The following GRM8 variants were observed in gnomAD, a reference collection of about 807,000 sequenced individuals.
GRM8 encodes the protein metabotropic glutamate receptor 8.
In GRM8, 47 loss-of-function variants were observed where a neutral mutation model predicts 87.2. That is an observed-to-expected ratio of 0.54 (90% CI 0.43 to 0.69). The LOEUF is 0.69. Among genes scored for constraint, GRM8 ranks in the 30% least tolerant of loss-of-function variants. The pLI is 0.00. For synonymous variants in GRM8, 396 were observed against 404.5 expected, an observed-to-expected ratio of 0.98 and a Z score of 0.25; for missense variants, 1,019 against 1,139.2, an observed-to-expected ratio of 0.89 and a Z score of 1.52.
At chr7:126,631,023 T>C (rs1379709530) in intron 7 of GRM8, among the ~76,000 whole-genome samples, 1 of 152,136 alleles carries the variant, frequency 6.6e-6, no homozygotes, top group Non-Finnish European at 1.5e-5. Context: ...TATTAGAAGT[T>C]CTAGCCAGGG....
At chr7:127,098,726 T>C (rs1824920419) in intron 3 of GRM8, among the ~76,000 whole-genome samples, 1 of 152,182 alleles carries the variant, frequency 6.6e-6, no homozygotes, top group East Asian at 1.9e-4. Flanking sequence ...GATGTTAATA[T>C]TCGGAACATG....
At chr7:126,981,932 G>T (rs919719411) in intron 3 of GRM8, among the ~76,000 whole-genome samples, 3 of 151,926 alleles carry the variant, frequency 2.0e-5, no homozygotes, top group Admixed American at 6.6e-5. Context: ...TATTAGTCGG[G>T]GTTCTCTAGA....
At chr7:126,928,872 G>GAA (rs879848928) in intron 3 of GRM8, among the ~76,000 whole-genome samples, 1 of 150,768 alleles carries the variant, frequency 6.6e-6, no homozygotes, top group African/African-American at 2.4e-5. Context: ...CACTTTTAGG[G>GAA]AAAAAAAAAT....
chr7:126,617,626 C>T (rs1199943254), intron 7 of GRM8, among the ~76,000 whole-genome samples: 4 of 152,026 alleles, frequency 2.6e-5, no homozygotes, highest in African/African-American at 9.7e-5. Flanking sequence ...ATTTAGAAAA[C>T]CCCACTGTCT....
intron 8 of GRM8, among the ~76,000 whole-genome samples, chr7:126,581,765 C>A (rs189739287): frequency 2.0e-5 from 3 of 152,000 alleles, no homozygotes; most frequent in Non-Finnish European, 2.9e-5. Context: ...ATATTTCAAG[C>A]TTTTTCATTA....
chr7:127,160,328 C>T (rs922033963), intron 2 of GRM8, among the ~76,000 whole-genome samples: 1 of 152,126 alleles, frequency 6.6e-6, no homozygotes, highest in African/African-American at 2.4e-5. Context: ...TCACTCATGT[C>T]ATGTCCCTCT....
chr7:126,842,490 T>C (rs1306335872), intron 6 of GRM8, among the ~76,000 whole-genome samples: 1 of 152,220 alleles, frequency 6.6e-6, no homozygotes, highest in African/African-American at 2.4e-5. Context: ...CCACCAAAGA[T>C]GTTCATGTCT....
At chr7:126,492,095 C>T (rs1273591538) in intron 9 of GRM8, among the ~76,000 whole-genome samples, 1 of 151,994 alleles carries the variant, frequency 6.6e-6, no homozygotes, top group African/African-American at 2.4e-5. Flanking sequence ...CTCAGTCTGT[C>T]ACCTAGGCTG....
At position 126,845,728 on chromosome 7, in the gene GRM8, C is replaced by T. The variant is rs140761343; in HGVS notation, c.1156+56814G>A. Among the ~76,000 whole-genome samples the T allele has an allele frequency of 3.9e-3, 598 of 152,156 alleles. 6 individuals carry two copies. The highest frequency in any genetic ancestry group is 0.013 in the African/African-American group (553 of 41,548). On this transcript the variant is annotated intron_variant, in intron 6 of 10. Coordinates refer to ENST00000339582, the MANE Select transcript of GRM8 (RefSeq NM_000845.3). ...ATATATTCAAAAATAATATACACAA[C>T]AAAAATTATATTACTTACATAAGAT...
At chr7:126,995,715 C>A (rs1477641962) in intron 3 of GRM8, among the ~76,000 whole-genome samples, 1 of 151,966 alleles carries the variant, frequency 6.6e-6, no homozygotes, top group Non-Finnish European at 1.5e-5. Context: ...CCTACAGAAT[C>A]TAGAAAATAG....
intron 8 of GRM8, among the ~76,000 whole-genome samples, chr7:126,585,767 GC>G (rs904978595): frequency 2.2e-4 from 34 of 152,222 alleles, no homozygotes; most frequent in African/African-American, 7.7e-4. Flanking sequence ...TTGAAAACTG[GC>G]ACAAGACAGG....
chr7:126,472,402 G>A (rs914497825), intron 9 of GRM8, among the ~76,000 whole-genome samples: 2 of 152,132 alleles, frequency 1.3e-5, no homozygotes, highest in African/African-American at 4.8e-5. Context: ...ATGAAGGGTT[G>A]TTGAATTTTG....
At chr7:126,691,435 C>T (rs992554643) in intron 7 of GRM8, among the ~76,000 whole-genome samples, 7 of 152,244 alleles carry the variant, frequency 4.6e-5, no homozygotes, top group Admixed American at 3.3e-4. Flanking sequence ...TGCCTGAGTC[C>T]GCAGCCGCAG....
intron 6 of GRM8, among the ~76,000 whole-genome samples, chr7:126,828,687 G>T (rs964070775): frequency 6.6e-6 from 1 of 152,082 alleles, no homozygotes; most frequent in Admixed American, 6.6e-5. Context: ...TTTTTGAAGG[G>T]TTTTTTGTGT....
At chr7:126,757,220 T>C (rs1817108691) in intron 7 of GRM8, among the ~76,000 whole-genome samples, 1 of 152,138 alleles carries the variant, frequency 6.6e-6, no homozygotes, top group Non-Finnish European at 1.5e-5. Flanking sequence ...ATTTTATTTA[T>C]ATAAAGTTTA....
intron 2 of GRM8, 106 bp from the exon 3 acceptor site, chr7:127,106,818 C>A (rs1825852116): frequency 4.0e-6 from 3 of 750,976 alleles, no homozygotes; most frequent in Non-Finnish European, 7.0e-6. Flanking sequence ...CTAGACATAT[C>A]AACCTGAAGC....
chr7:127,029,655 C>T (rs868548641), intron 3 of GRM8, among the ~76,000 whole-genome samples: 14 of 109,256 alleles, frequency 1.3e-4, no homozygotes, highest in East Asian at 2.1e-4. Context: ...AGGATTGCAA[C>T]CTCTGCTTTT....
chr7:127,246,266 C>T (rs1319278302), intron 1 of GRM8, among the ~76,000 whole-genome samples: 1 of 152,178 alleles, frequency 6.6e-6, no homozygotes, highest in African/African-American at 2.4e-5. Context: ...GAGCTTTAAT[C>T]CAAGCTCATC....
intron 8 of GRM8, among the ~76,000 whole-genome samples, chr7:126,536,529 T>C (rs1815747705): frequency 6.6e-6 from 1 of 152,222 alleles, no homozygotes; most frequent in Non-Finnish European, 1.5e-5. Flanking sequence ...TAATCTATTA[T>C]AACCCTCTAG....
Sources: allele counts gnomAD v4.1 joint callset (sites outside exome capture counted in the v4.1 genomes callset), GRCh38; gene constraint gnomAD v4.1.1; transcripts MANE v1.5; gene names NCBI Gene and HGNC (gene_info 2026-07-23, HGNC 2026-07-21).